The following SCN3A variants were observed in gnomAD, a reference collection of about 807,000 sequenced individuals.
SCN3A encodes sodium channel protein type 3 subunit alpha.
SCN3A carries 60 observed loss-of-function variants against 187.6 expected under a neutral mutation model. The ratio of observed to expected loss-of-function variants is 0.32; its 90% CI spans 0.26 to 0.40. The LOEUF (loss-of-function observed/expected upper bound fraction) is 0.40. Among genes scored for constraint, SCN3A ranks in the 10% least tolerant of loss-of-function variants. SCN3A has a pLI of 1.00. For missense variants in SCN3A, 1,601 were observed against 2,428.2 expected (o/e 0.66, Z 7.16); for synonymous variants, 788 against 829.2 (o/e 0.95, Z 0.85).
chr2:165,122,370 T>C (rs1686733528), intron 18 of SCN3A, among the ~76,000 whole-genome samples: 3 of 151,836 alleles, frequency 2.0e-5, no homozygotes, highest in Admixed American at 6.6e-5. Context: ...GTGGCAGTAC[T>C]ATCAGAAAAA....
intron 1 of SCN3A, among the ~76,000 whole-genome samples, chr2:165,191,274 C>T (rs934799779): frequency 6.6e-6 from 1 of 152,020 alleles, no homozygotes; most frequent in Non-Finnish European, 1.5e-5. Context: ...TCCCTGCTGC[C>T]AGCCTGACTC....
chr2:165,165,848 A>G (rs1689724371), intron 5 of SCN3A, among the ~76,000 whole-genome samples: 1 of 152,328 alleles, frequency 6.6e-6, no homozygotes, highest in Middle Eastern at 3.4e-3. Context: ...TTTCTTAAGT[A>G]CATTCCCTTC....
chr2:165,100,465 A>G (rs760095209), intron 21 of SCN3A, 41 bp from the exon 22 acceptor site: 2 of 1,599,428 alleles, frequency 1.3e-6, no homozygotes, highest in Admixed American at 3.4e-5. Context: ...ACCAAGAAAT[A>G]AACTGTTGAC....
At chr2:165,121,948 A>G (rs1162681882) in intron 18 of SCN3A, among the ~76,000 whole-genome samples, 1 of 152,232 alleles carries the variant, frequency 6.6e-6, no homozygotes, top group African/African-American at 2.4e-5. Context: ...AGTTTTGGAT[A>G]GAACATTTAG....
At chr2:165,093,318 C>T (rs1192945297) in intron 26 of SCN3A, 1 of 152,132 alleles carries the variant, frequency 6.6e-6, no homozygotes, top group African/African-American at 2.4e-5. Flanking sequence ...ACCTCTCTAG[C>T]TCTGTGAATC....
At chr2:165,105,894 A>G (rs1201823795) in intron 21 of SCN3A, among the ~76,000 whole-genome samples, 1 of 152,120 alleles carries the variant, frequency 6.6e-6, no homozygotes, top group Non-Finnish European at 1.5e-5. Flanking sequence ...ATTTATTTTT[A>G]TGTAAGGGGA....
At chr2:165,121,117 G>A (rs1276790537) in intron 18 of SCN3A, among the ~76,000 whole-genome samples, 5 of 151,638 alleles carry the variant, frequency 3.3e-5, no homozygotes. Context: ...ATCTTTAAAG[G>A]TTGAGATGGG....
At chr2:165,108,673 C>T (rs764131903) in intron 21 of SCN3A, among the ~76,000 whole-genome samples, 21 of 152,004 alleles carry the variant, frequency 1.4e-4, no homozygotes, top group Non-Finnish European at 2.4e-4. Flanking sequence ...GTTTTCAATA[C>T]GTTTTAAATA....
chr2:165,180,151 A>G (rs1690751159), intron 2 of SCN3A, among the ~76,000 whole-genome samples: 1 of 152,170 alleles, frequency 6.6e-6, no homozygotes, highest in African/African-American at 2.4e-5. Flanking sequence ...GTTAACTAGT[A>G]AAAAGATTAT....
At chr2:165,146,335 C>T (rs1250201492) in intron 12 of SCN3A, among the ~76,000 whole-genome samples, 1 of 149,366 alleles carries the variant, frequency 6.7e-6, no homozygotes, top group Non-Finnish European at 1.5e-5. Flanking sequence ...CAAGAGATTC[C>T]AAAACTCTCA....
intron 2 of SCN3A, among the ~76,000 whole-genome samples, chr2:165,180,522 T>C (rs1690778331): frequency 6.6e-6 from 1 of 151,358 alleles, no homozygotes; most frequent in Non-Finnish European, 1.5e-5. Flanking sequence ...ATGGTGGTAG[T>C]GGTTGGGAAA....
intron 11 of SCN3A, among the ~76,000 whole-genome samples, chr2:165,149,141 T>G (rs1323108162): frequency 6.6e-6 from 1 of 151,754 alleles, no homozygotes; most frequent in African/African-American, 2.4e-5. Context: ...TCCCTTACCA[T>G]AATCCTACAA....
chr2:165,114,904 C>T (rs767765482), intron 19 of SCN3A, among the ~76,000 whole-genome samples: 1 of 152,164 alleles, frequency 6.6e-6, no homozygotes, highest in South Asian at 2.1e-4. Flanking sequence ...AACAAAAAGA[C>T]CTATCAGATC....
chr2:165,100,264 A>C, intron 22 of SCN3A, 38 bp downstream of exon 22: 1 of 1,606,750 alleles, frequency 6.2e-7, no homozygotes, highest in Non-Finnish European at 8.5e-7. Context: ...CCTACATGTA[A>C]TTTTGACATG....
chr2:165,156,277 C>T (rs369515588), intron 9 of SCN3A, among the ~76,000 whole-genome samples: 20 of 151,698 alleles, frequency 1.3e-4, no homozygotes, highest in Non-Finnish European at 2.1e-4. Context: ...GAGGCCAAGG[C>T]GGGCGGATCA....
At chr2:165,133,337 GT>G (rs1687467370) in intron 15 of SCN3A, among the ~76,000 whole-genome samples, 1 of 152,020 alleles carries the variant, frequency 6.6e-6, no homozygotes, top group Admixed American at 6.6e-5. Context: ...GCACACGTAT[GT>G]TTATTTTCAT....
At chr2:165,103,050 T>C (rs776922076) in intron 21 of SCN3A, among the ~76,000 whole-genome samples, 14 of 152,220 alleles carry the variant, frequency 9.2e-5, no homozygotes, top group Non-Finnish European at 1.9e-4. Context: ...TTTGCATGAC[T>C]TAAGCTACAA....
At chr2:165,151,517 C>G (rs1162667388) in intron 11 of SCN3A, among the ~76,000 whole-genome samples, 1 of 152,112 alleles carries the variant, frequency 6.6e-6, no homozygotes, top group Non-Finnish European at 1.5e-5. Context: ...TTTGAAGGCA[C>G]TGGACATCAG....
At chr2:165,116,353 T>C (rs1686367366) in intron 18 of SCN3A, among the ~76,000 whole-genome samples, 1 of 152,202 alleles carries the variant, frequency 6.6e-6, no homozygotes, top group African/African-American at 2.4e-5. Flanking sequence ...AACTAAATCA[T>C]TGTGACATGC....
Sources: allele counts gnomAD v4.1 joint callset (sites outside exome capture counted in the v4.1 genomes callset), GRCh38; gene constraint gnomAD v4.1.1; transcripts MANE v1.5; gene names NCBI Gene and HGNC (gene_info 2026-07-23, HGNC 2026-07-21).